Variants in PTK2B observed in about 807,000 individuals in gnomAD.
PTK2B encodes protein tyrosine kinase 2 beta, also known as protein-tyrosine kinase 2-beta.
Under a neutral mutation model 142.9 loss-of-function variants are expected in PTK2B, and 71 were observed. That is an observed-to-expected ratio of 0.50 (90% confidence interval 0.41 to 0.61). The LOEUF (loss-of-function observed/expected upper bound fraction) is 0.61, where lower values mean the gene tolerates loss of function less well. Among genes scored for constraint, PTK2B ranks in the 20% least tolerant of loss-of-function variants. The probability of loss-of-function intolerance (pLI) is 0.00; values close to 1 mark genes in which losing one functional copy is unlikely to be tolerated. For missense variants in PTK2B, 1,105 were observed against 1,320.4 expected, an observed-to-expected ratio of 0.84 and a Z score of 2.53; for synonymous variants, 519 against 503.4, an observed-to-expected ratio of 1.03 and a Z score of -0.42.
At chr8:27,346,994 TCTC>T (rs757979040) in intron 1 of PTK2B, among the ~76,000 whole-genome samples, 6 of 152,306 alleles carry the variant, frequency 3.9e-5, no homozygotes, top group South Asian at 4.1e-4. Flanking sequence ...AAGAGTTACT[TCTC>T]CTCTTCTTTG....
intron 1 of PTK2B, among the ~76,000 whole-genome samples, chr8:27,352,653 A>G (rs1165355583): frequency 6.6e-6 from 1 of 152,216 alleles, no homozygotes; most frequent in African/African-American, 2.4e-5. Flanking sequence ...GAGGTAATTG[A>G]ATCATGTGGG....
intron 21 of PTK2B, among the ~76,000 whole-genome samples, 177 bp from the exon 22 acceptor site, chr8:27,442,698 T>G (rs1024171827): frequency 6.6e-6 from 1 of 152,112 alleles, no homozygotes; most frequent in African/African-American, 2.4e-5. Context: ...AGGGCCCATA[T>G]CCAAGCCTGT....
intron 1 of PTK2B, among the ~76,000 whole-genome samples, chr8:27,383,639 A>G (rs1807165569): frequency 6.6e-6 from 1 of 152,186 alleles, no homozygotes; most frequent in Non-Finnish European, 1.5e-5. Flanking sequence ...TCTTATTAAA[A>G]TTATTCCCAG....
intron 1 of PTK2B, among the ~76,000 whole-genome samples, chr8:27,375,904 C>T (rs1336019653): frequency 2.0e-5 from 3 of 152,230 alleles, no homozygotes; most frequent in East Asian, 3.8e-4. Flanking sequence ...ACCAGGCACA[C>T]GGCCATGCAA....
At chr8:27,340,022 G>A (rs988814869) in intron 1 of PTK2B, among the ~76,000 whole-genome samples, 1 of 152,232 alleles carries the variant, frequency 6.6e-6, no homozygotes, top group Non-Finnish European at 1.5e-5. Context: ...ATGAGTCTAT[G>A]TGCTTCCTTG....
At position 27,439,084 on chromosome 8, in the gene PTK2B, GGGACTTTGGTCTTTCCCGGTACATTGA is replaced by G; in HGVS notation, c.1702_1728del (p.Phe568_Asp576del). On this transcript the variant is annotated inframe_deletion, in exon 19 of 31. Coordinates refer to ENST00000346049, the MANE Select transcript of PTK2B (RefSeq NM_173176.3). ...GCCTCCCCTGAGTGTGTGAAGCTGG[GGGACTTTGGTCTTTCCCGGTACATTGA>G]GGACGAGGACTATTACAAAGGTGAG... 1 of 1,614,164 alleles carries G rather than the reference GGGACTTTGGTCTTTCCCGGTACATTGA, an allele frequency of 6.2e-7. No individual in the cohort carries two copies. The highest frequency in any genetic ancestry group is 8.5e-7 in the Non-Finnish European group (1 of 1,180,002).
At chr8:27,434,610 T>C (rs1810659404) in intron 13 of PTK2B, 51 bp downstream of exon 13, 1 of 1,553,246 alleles carries the variant, frequency 6.4e-7, no homozygotes, top group Non-Finnish European at 8.8e-7. Context: ...CCCGTCTGCT[T>C]GCTCCCCACT....
intron 3 of PTK2B, among the ~76,000 whole-genome samples, chr8:27,313,518 C>T (rs993415114): frequency 6.6e-6 from 1 of 152,160 alleles, no homozygotes; most frequent in Non-Finnish European, 1.5e-5. Flanking sequence ...AACCCTGATC[C>T]TGGGACTTCA....
At position 27,454,261 on chromosome 8, in the gene PTK2B, G is replaced by GC; in HGVS notation, c.2709dup (p.Glu904ArgfsTer23). 1 of 1,613,994 alleles carries GC rather than the reference G, an allele frequency of 6.2e-7. No homozygotes were observed. Among genetic ancestry groups the GC allele is most frequent in the Non-Finnish European group, 8.5e-7 (1 of 1,180,004 alleles). Reference sequence around the variant, plus strand: ...AGCTCAAGAATGAGCTCTGTCAGCTGCCCCCCGAGGGCTACGTGGTGGTGG... The same window carrying GC: ...AGCTCAAGAATGAGCTCTGTCAGCTGCCCCCCCGAGGGCTACGTGGTGGTGG... On this transcript the variant is annotated frameshift_variant, in exon 29 of 31. Transcript: ENST00000346049. LOFTEE classifies it high-confidence loss of function.
intron 1 of PTK2B, among the ~76,000 whole-genome samples, chr8:27,369,694 G>A (rs961212951): frequency 6.8e-6 from 1 of 147,516 alleles, no homozygotes; most frequent in African/African-American, 2.5e-5. Flanking sequence ...TTAAGTCAAG[G>A]CTGAGTGTGG....
intron 1 of PTK2B, among the ~76,000 whole-genome samples, chr8:27,329,135 G>A (rs7832632): frequency 0.28 from 42,869 of 151,700 alleles, 6,370 homozygotes; most frequent in Middle Eastern, 0.46. Flanking sequence ...ACGGGGTTTC[G>A]CCATGTTGGC....
In PTK2B at chr8:27,363,384, G is replaced by C. The variant is rs1319143259; in HGVS notation, c.-37-34164G>C. Among the ~76,000 whole-genome samples the C allele has an allele frequency of 6.6e-6, 1 of 152,180 alleles. No individual in the cohort carries two copies. The highest frequency in any genetic ancestry group is 2.4e-5 in the African/African-American group (1 of 41,436). On this transcript the variant is annotated intron_variant, in intron 1 of 30. Transcript: ENST00000346049. This position sits in a 1 kb window ranked among gnomAD's most constrained non-coding sequence, Gnocchi z 4.3. ...TTTGTTCTGTGCATCTCCATGAGCAGGCCCAGGAAGTTACAGAAAAGTAGA... is the reference window on the plus strand; with the variant it reads ...TTTGTTCTGTGCATCTCCATGAGCACGCCCAGGAAGTTACAGAAAAGTAGA...
intron 28 of PTK2B, 72 bp from the exon 29 acceptor site, chr8:27,454,082 C>T (rs976877703): frequency 1.5e-5 from 24 of 1,587,628 alleles, no homozygotes; most frequent in Non-Finnish European, 1.8e-5. Context: ...CACAGTGGTG[C>T]CTGCCCAGGA....
chr8:27,356,015 T>C (rs1221081606), intron 1 of PTK2B, among the ~76,000 whole-genome samples: 1 of 149,544 alleles, frequency 6.7e-6, no homozygotes, highest in Non-Finnish European at 1.5e-5. Flanking sequence ...AGTGCAAGAC[T>C]GTCTCAAAAA....
chr8:27,442,957 A>G lies in PTK2B; in HGVS notation c.2122A>G (p.Thr708Ala), dbSNP rs1811246366. The change falls in exon 22 of 31, where the codon ACA becomes GCA. Residue 708 changes from threonine (T) to alanine (A), a missense_variant. Physicochemically the swap from Thr to Ala is moderately conservative, Grantham distance 58. Coordinates refer to ENST00000346049, the MANE Select transcript of PTK2B (RefSeq NM_173176.3). ...CCGAACCCCCAAAATCTTGGAGCCC[A>G]CAGCCTTCCAGGAACCCCCACCCAA... ...RYRTPKILEP[T>A]AFQEPPPKPS... The G allele has an allele frequency of 6.2e-7, 1 of 1,614,138 alleles. No homozygotes were observed. The highest frequency in any genetic ancestry group is 2.2e-5 in the East Asian group (1 of 44,884).
chr8:27,333,747 C>T (rs1342966019), intron 1 of PTK2B, among the ~76,000 whole-genome samples: 3 of 152,110 alleles, frequency 2.0e-5, no homozygotes, highest in Admixed American at 6.5e-5. Context: ...CAACCTCTAT[C>T]TGGCAGCACC....
intron 1 of PTK2B, among the ~76,000 whole-genome samples, chr8:27,331,248 G>A (rs902025015): frequency 1.3e-5 from 2 of 152,078 alleles, no homozygotes; most frequent in Non-Finnish European, 2.9e-5. Flanking sequence ...CTTTCTTGAG[G>A]GCCTTGCACC....
At chr8:27,421,330 A>G (rs56330356) in intron 4 of PTK2B, among the ~76,000 whole-genome samples, 58,618 of 148,052 alleles carry the variant, frequency 0.4, 11,610 homozygotes, top group Middle Eastern at 0.49. Flanking sequence ...ATTTATTTCA[A>G]TGGGTTTTTT....
chr8:27,392,828 C>T (rs922619203), intron 1 of PTK2B, among the ~76,000 whole-genome samples: 2 of 152,178 alleles, frequency 1.3e-5, no homozygotes, highest in African/African-American at 4.8e-5. Context: ...TCAATAGAGA[C>T]ATGGGCACCA....
Sources: gnomAD v4.1 joint callset for allele counts (sites outside exome capture counted in the v4.1 genomes callset) on GRCh38, gnomAD v4.1.1 for gene constraint, Gnocchi (gnomAD v3.1) non-coding constraint, MANE v1.5 for transcripts, NCBI Gene and HGNC (gene_info 2026-07-23, HGNC 2026-07-21) for gene names.